Variants in SIN3A observed in about 807,000 individuals in gnomAD.
SIN3A encodes paired amphipathic helix protein Sin3a.
Under a neutral mutation model 146.1 loss-of-function variants are expected in SIN3A, and 14 were observed. The ratio of observed to expected loss-of-function variants is 0.10; its 90% CI spans 0.06 to 0.15. The LOEUF is 0.15. Among genes scored for constraint, SIN3A ranks in the 10% least tolerant of loss-of-function variants. SIN3A has a pLI of 1.00. For missense variants in SIN3A, 1,028 were observed against 1,576.0 expected, an observed-to-expected ratio of 0.65 and a Z score of 5.89; for synonymous variants, 572 against 572.0, an observed-to-expected ratio of 1.00 and a Z score of 0.00.
At chr15:75,431,485 A>G (rs1466358086) in intron 1 of SIN3A, among the ~76,000 whole-genome samples, 1 of 152,116 alleles carries the variant, frequency 6.6e-6, no homozygotes. Flanking sequence ...ACACACCATC[A>G]GTGAGAAAGA....
At chr15:75,444,960 T>G (rs2074278954) in intron 1 of SIN3A, among the ~76,000 whole-genome samples, 1 of 152,212 alleles carries the variant, frequency 6.6e-6, no homozygotes, top group Non-Finnish European at 1.5e-5. Context: ...CCAGGCATGG[T>G]GGCTAACACC....
chr15:75,393,188 T>G (rs1343680448), intron 14 of SIN3A, among the ~76,000 whole-genome samples: 1 of 152,174 alleles, frequency 6.6e-6, no homozygotes, highest in Non-Finnish European at 1.5e-5. Context: ...GAGATCGTAC[T>G]ACTGCACTCC....
chr15:75,407,545 T>C (rs148147019), intron 8 of SIN3A, among the ~76,000 whole-genome samples: 149 of 152,250 alleles, frequency 9.8e-4, no homozygotes, highest in African/African-American at 3.3e-3. Context: ...AGCTCACAAA[T>C]TGACAGAAAT....
rs773347365 is a variant in SIN3A at position 75,410,252 on chromosome 15, T to C, written c.1043A>G (p.Asn348Ser). The C allele has an allele frequency of 6.2e-7, 1 of 1,613,694 alleles. No individual in the cohort carries two copies. The highest frequency in any genetic ancestry group is 8.5e-7 in the Non-Finnish European group (1 of 1,179,914). The change falls in exon 7 of 21, where the codon AAC (asparagine) becomes AGC (serine). Residue 348 changes from asparagine to serine, a missense_variant. Around this residue, in one of 9 missense-constraint regions of SIN3A, gnomAD observed 40 missense variants for 74.0 expected, o/e 0.54. Transcript: ENST00000394947. ...CTGCTCTGTCAATGCTGGAGTGTAG[T>C]TTCCTCCAGCTTCCTTGGCATTTCT... ...EQRNAKEAGGNYTPALTEQEV... is the reference protein window; with the variant it reads ...EQRNAKEAGGSYTPALTEQEV...
intron 2 of SIN3A, among the ~76,000 whole-genome samples, chr15:75,427,742 G>A (rs1036999280): frequency 3.3e-5 from 5 of 151,854 alleles, no homozygotes; most frequent in African/African-American, 4.8e-5. Context: ...GGCCAAGAGG[G>A]GCAGATCACC....
Position 75,412,782 on chromosome 15 carries a change from G to A in SIN3A, c.737C>T (p.Pro246Leu), listed in dbSNP as rs959742480. The A allele has an allele frequency of 8.2e-6, 13 of 1,588,644 alleles. No homozygotes were observed. The highest frequency in any genetic ancestry group is 1.1e-5 in the Non-Finnish European group (13 of 1,165,976). Residue 246 changes from proline (P) to leucine (L), a missense_variant, in exon 5 of 21, where the codon CCA becomes CTA. Pro to Leu is a moderately conservative substitution (Grantham distance 98, BLOSUM62 -3). Transcript: ENST00000394947. ...GCTCACCTTGCTGACTTTGGCAGGT[G>A]GGGGCTGAGGAGCTGGCTGGGCAGG... is the stretch of plus-strand genomic sequence containing the variant. ...PAPAQPAPQP[P>L]PAKVSKPSQL...
At chr15:75,408,070 T>C (rs916569768) in intron 8 of SIN3A, among the ~76,000 whole-genome samples, 1 of 152,278 alleles carries the variant, frequency 6.6e-6, no homozygotes, top group African/African-American at 2.4e-5. Flanking sequence ...TTGTGAGAAG[T>C]AGCACATTTA....
At chr15:75,434,790 A>C (rs888531178) in intron 1 of SIN3A, among the ~76,000 whole-genome samples, 1 of 151,190 alleles carries the variant, frequency 6.6e-6, no homozygotes, top group African/African-American at 2.4e-5. Flanking sequence ...CTCTACTAAA[A>C]ACACAAAATT....
At chr15:75,405,831 T>C (rs943935398) in intron 9 of SIN3A, among the ~76,000 whole-genome samples, 1 of 152,216 alleles carries the variant, frequency 6.6e-6, no homozygotes, top group Non-Finnish European at 1.5e-5. Flanking sequence ...GCTTATATAT[T>C]TCTTAATTCT....
At chr15:75,442,916 G>C (rs1028819200) in intron 1 of SIN3A, among the ~76,000 whole-genome samples, 247 of 115,660 alleles carry the variant, frequency 2.1e-3, no homozygotes, top group African/African-American at 8.1e-3. Flanking sequence ...TGGGCAATAA[G>C]AGCAAAACTC....
Position 75,409,916 on chromosome 15 carries a change from G to A in SIN3A, c.1237C>T (p.Leu413=). The change falls in exon 8 of 21, where the codon CTG becomes TTG. Residue 413 remains leucine, a synonymous_variant. Coordinates refer to ENST00000394947, the MANE Select transcript of SIN3A (RefSeq NM_001145358.2). ...CTGGGCCTCTGCGGCTTGTTGTTCA[G>A]TTGGGGCTTCTTGACAGTGCCTCCA... ...DHGGTVKKPQ[L]NNKPQRPSQN... is the part of the protein sequence containing the mutation. 6.2e-7 allele frequency: 1 copy of A among 1,614,036 alleles called. No homozygotes were observed. The highest frequency in any genetic ancestry group is 8.5e-7 in the Non-Finnish European group (1 of 1,180,022).
At chr15:75,446,129 G>A (rs2074302621) in intron 1 of SIN3A, 1 of 152,030 alleles carries the variant, frequency 6.6e-6, no homozygotes, top group African/African-American at 2.4e-5. Flanking sequence ...TGACACAATA[G>A]ACAAAGTATA....
chr15:75,444,861 T>C (rs578183093), intron 1 of SIN3A, among the ~76,000 whole-genome samples: 1 of 152,346 alleles, frequency 6.6e-6, no homozygotes, highest in African/African-American at 2.4e-5. Flanking sequence ...GTGAAGATTA[T>C]AGGGCTATTA....
intron 17 of SIN3A, among the ~76,000 whole-genome samples, chr15:75,382,120 C>A (rs1459312565): frequency 1.3e-5 from 2 of 152,144 alleles, no homozygotes; most frequent in South Asian, 2.1e-4. Flanking sequence ...AAGGTCAGAG[C>A]CTGGAAGGAA....
Position 75,369,487 on chromosome 15 carries a change from G to C in SIN3A, c.*2492C>G, listed in dbSNP as rs2072685391. ...AATAACAAATGTGATTTAAAACAAAGATAACCTGCTGCTGCATATAATACA... is the reference window on the plus strand; with the variant it reads ...AATAACAAATGTGATTTAAAACAAACATAACCTGCTGCTGCATATAATACA... On this transcript the variant is annotated 3_prime_UTR_variant, in exon 21 of 21. Transcript: ENST00000394947. 6.6e-6 allele frequency: 1 copy of C among 152,214 alleles called. No homozygotes were observed. The highest frequency in any genetic ancestry group is 2.4e-5 in the African/African-American group (1 of 41,458). The allele number at this position is 152,214 out of a possible 1,614,324, so 9.4% of individuals were successfully genotyped here.
chr15:75,392,862 A>G, intron 14 of SIN3A, 47 bp from the exon 15 acceptor site: 1 of 1,354,802 alleles, frequency 7.4e-7, no homozygotes, highest in African/African-American at 1.4e-5. Context: ...GTCTACAGCG[A>G]CAACATGTCT....
Position 75,375,254 on chromosome 15 carries a change from G to A in SIN3A, c.3591+411C>T, listed in dbSNP as rs553714028. ...TCATACATTGAAGTCCTAGCCCCCA[G>A]TACTTCCGAATGTGACCTCATCTGG... On this transcript the variant is annotated intron_variant, in intron 20 of 20. Coordinates refer to ENST00000394947, the MANE Select transcript of SIN3A (RefSeq NM_001145358.2). Among the ~76,000 whole-genome samples the A allele has an allele frequency of 5.3e-5, 8 of 152,098 alleles. No homozygotes were observed. The South Asian group carries it at 1.7e-3, about 31-fold the overall frequency.
intron 1 of SIN3A, among the ~76,000 whole-genome samples, chr15:75,444,946 T>C (rs7171507): frequency 0.34 from 51,433 of 152,004 alleles, 9,818 homozygotes; most frequent in African/African-American, 0.51. Flanking sequence ...AATTAAGTAT[T>C]AGGCCAGGCA....
upstream of SIN3A, among the ~76,000 whole-genome samples, chr15:75,454,121 C>T (rs537347559): frequency 1.2e-4 from 18 of 152,034 alleles, no homozygotes; most frequent in Non-Finnish European, 2.5e-4. Flanking sequence ...CGGGACCTTG[C>T]GCCTCACGTC....
Sources: gnomAD v4.1 joint callset for allele counts (sites outside exome capture counted in the v4.1 genomes callset) on GRCh38, gnomAD v4.1.1 for gene constraint, gnomAD v4.1.1 regional missense constraint, MANE v1.5 for transcripts, NCBI Gene and HGNC (gene_info 2026-07-23, HGNC 2026-07-21) for gene names.